HS6ST3: variants seen among roughly 807,000 people sequenced by gnomAD.
HS6ST3 encodes the protein heparan sulfate 6-O-sulfotransferase 3.
In HS6ST3, 12 loss-of-function variants were observed where a neutral mutation model predicts 36.7. The observed-to-expected ratio is 0.33, with a 90% CI of 0.21 to 0.53. HS6ST3 has a LOEUF of 0.53. Among genes scored for constraint, HS6ST3 ranks in the 20% least tolerant of loss-of-function variants. The pLI is 0.95. For synonymous variants in HS6ST3, 240 were observed against 257.5 expected (o/e 0.93, Z 0.65); for missense variants, 584 against 640.9 (o/e 0.91, Z 0.96).
intron 1 of HS6ST3, among the ~76,000 whole-genome samples, chr13:96,289,993 A>AAT (rs2139398300): frequency 6.6e-6 from 1 of 152,232 alleles, no homozygotes; most frequent in East Asian, 1.9e-4. Flanking sequence ...TTCTCAAATG[A>AAT]GCTGCAAGGA....
intron 1 of HS6ST3, among the ~76,000 whole-genome samples, chr13:96,133,264 A>C (rs2139312795): frequency 6.6e-6 from 1 of 152,172 alleles, no homozygotes; most frequent in African/African-American, 2.4e-5. Context: ...AGTAGCTGGG[A>C]TTACAGGTGC....
intron 1 of HS6ST3, among the ~76,000 whole-genome samples, chr13:96,631,069 G>A (rs1397226285): frequency 1.3e-5 from 2 of 152,142 alleles, no homozygotes; most frequent in Admixed American, 1.3e-4. Flanking sequence ...AAATGCATAT[G>A]AGACATTGTT....
intron 1 of HS6ST3, among the ~76,000 whole-genome samples, chr13:96,591,452 C>A (rs1037573962): frequency 2.0e-5 from 3 of 151,926 alleles, no homozygotes; most frequent in Admixed American, 1.3e-4. Flanking sequence ...AGTTTATGTG[C>A]AGCTATTCTA....
intron 1 of HS6ST3, among the ~76,000 whole-genome samples, chr13:96,388,713 A>T (rs2055380808): frequency 1.3e-5 from 2 of 152,134 alleles, no homozygotes; most frequent in African/African-American, 4.8e-5. Flanking sequence ...AGGTGGAGGT[A>T]ATTGAATCAT....
chr13:96,516,030 A>G (rs2056071027), intron 1 of HS6ST3, among the ~76,000 whole-genome samples: 1 of 151,398 alleles, frequency 6.6e-6, no homozygotes, highest in East Asian at 1.9e-4. Flanking sequence ...TTGTTTGTCT[A>G]GATGATGATG....
At chr13:96,455,793 G>T (rs369817173) in intron 1 of HS6ST3, among the ~76,000 whole-genome samples, 1 of 152,116 alleles carries the variant, frequency 6.6e-6, no homozygotes, top group Non-Finnish European at 1.5e-5. Context: ...TCATATTCAG[G>T]TTGTTAGCTA....
chr13:96,327,695 A>G (rs1276088315), intron 1 of HS6ST3, among the ~76,000 whole-genome samples: 1 of 151,852 alleles, frequency 6.6e-6, no homozygotes, highest in Non-Finnish European at 1.5e-5. Context: ...ACTTTAAAGT[A>G]GTTTTTTCCA....
At chr13:96,556,168 C>A (rs747172469) in intron 1 of HS6ST3, among the ~76,000 whole-genome samples, 2 of 152,148 alleles carry the variant, frequency 1.3e-5, no homozygotes, top group African/African-American at 2.4e-5. Context: ...CCACTATTGA[C>A]CATGTGTCCT....
chr13:96,573,974 C>T (rs937816225), intron 1 of HS6ST3: 18 of 538,668 alleles, frequency 3.3e-5, no homozygotes, highest in Non-Finnish European at 6.4e-5. Context: ...ACTCCACTGT[C>T]AGCTCTATGG....
chr13:96,263,201 A>T (rs1353498021), intron 1 of HS6ST3, among the ~76,000 whole-genome samples: 1 of 152,168 alleles, frequency 6.6e-6, no homozygotes, highest in Non-Finnish European at 1.5e-5. Flanking sequence ...GGCTAATACT[A>T]TGGTGACATG....
At chr13:96,295,088 A>G (rs1566314642) in intron 1 of HS6ST3, among the ~76,000 whole-genome samples, 1 of 152,134 alleles carries the variant, frequency 6.6e-6, no homozygotes, top group Non-Finnish European at 1.5e-5. Context: ...CATGGTAACA[A>G]TTACAAGAGG....
chr13:96,346,921 T>C (rs1220013808), intron 1 of HS6ST3, among the ~76,000 whole-genome samples: 6 of 152,146 alleles, frequency 3.9e-5, no homozygotes, highest in Non-Finnish European at 7.3e-5. Flanking sequence ...ATAGCCTTCT[T>C]TGCTTGCATG....
intron 1 of HS6ST3, among the ~76,000 whole-genome samples, chr13:96,731,893 C>A (rs1390128254): frequency 1.3e-5 from 2 of 152,068 alleles, no homozygotes; most frequent in South Asian, 2.1e-4. Context: ...TGGGCTCAAG[C>A]AATCCTCCTG....
chr13:96,725,714 A>G (rs1005819635), intron 1 of HS6ST3, among the ~76,000 whole-genome samples: 32 of 152,052 alleles, frequency 2.1e-4, no homozygotes, highest in African/African-American at 7.7e-4. Flanking sequence ...CTATCTATCT[A>G]TTGAGAAAAG....
At chr13:96,286,554 A>G (rs1270872557) in intron 1 of HS6ST3, among the ~76,000 whole-genome samples, 1 of 152,224 alleles carries the variant, frequency 6.6e-6, no homozygotes, top group Non-Finnish European at 1.5e-5. Context: ...AGACATACAG[A>G]TAACAACAAG....
intron 1 of HS6ST3, among the ~76,000 whole-genome samples, chr13:96,820,752 T>C (rs1878517063): frequency 6.6e-6 from 1 of 152,250 alleles, no homozygotes; most frequent in Admixed American, 6.5e-5. Flanking sequence ...TTCTTGAAAT[T>C]ATGCACTCAT....
intron 1 of HS6ST3, among the ~76,000 whole-genome samples, chr13:96,516,322 T>C (rs2056072591): frequency 1.3e-5 from 2 of 152,156 alleles, no homozygotes; most frequent in Admixed American, 1.3e-4. Context: ...CCCAAAGTGC[T>C]GGGATTATGA....
At chr13:96,757,274 G>A (rs2138497078) in intron 1 of HS6ST3, among the ~76,000 whole-genome samples, 1 of 152,274 alleles carries the variant, frequency 6.6e-6, no homozygotes, top group African/African-American at 2.4e-5. Flanking sequence ...ATTAGCTAGA[G>A]GCAAGCCAGT....
intron 1 of HS6ST3, among the ~76,000 whole-genome samples, chr13:96,554,867 G>A (rs1270036211): frequency 1.3e-5 from 2 of 151,896 alleles, no homozygotes; most frequent in African/African-American, 2.4e-5. Flanking sequence ...TCAGGAGTTT[G>A]AGACCAACTC....
Sources: gnomAD v4.1 joint callset for allele counts (sites outside exome capture counted in the v4.1 genomes callset) on GRCh38, gnomAD v4.1.1 for gene constraint, MANE v1.5 for transcripts, NCBI Gene and HGNC (gene_info 2026-07-23, HGNC 2026-07-21) for gene names.